PDE3A: variants seen among roughly 807,000 people sequenced by gnomAD.
The protein encoded by PDE3A is phosphodiesterase 3A, also known as cGMP-inhibited 3',5'-cyclic phosphodiesterase 3A.
Under a neutral mutation model 98.3 loss-of-function variants are expected in PDE3A, and 43 were observed. That is an observed-to-expected ratio of 0.44 (90% CI 0.34 to 0.56). PDE3A has a LOEUF of 0.56. PDE3A is among the 20% of genes least tolerant of loss of function. The pLI is 0.01. For synonymous variants in PDE3A, 663 were observed against 567.9 expected (o/e 1.17, Z -2.38); for missense variants, 1,427 against 1,440.7 (o/e 0.99, Z 0.15).
intron 1 of PDE3A, among the ~76,000 whole-genome samples, chr12:20,407,356 T>A (rs1178459372): frequency 6.6e-6 from 1 of 152,240 alleles, no homozygotes; most frequent in Non-Finnish European, 1.5e-5. Context: ...GCATGGTTAT[T>A]CATGAAAAAC....
At chr12:20,475,309 G>C (rs1041423623) in intron 1 of PDE3A, among the ~76,000 whole-genome samples, 2 of 151,766 alleles carry the variant, frequency 1.3e-5, no homozygotes, top group African/African-American at 4.8e-5. Flanking sequence ...ACTGCCTTCG[G>C]TTAGCTCACA....
Position 20,634,766 on chromosome 12 carries a change from A to G in PDE3A, c.1847-136A>G, listed in dbSNP as rs564293064. The G allele has an allele frequency of 4.3e-5, 28 of 658,058 alleles. No homozygotes were observed. The African/African-American group carries it at 4.7e-4, about 11-fold the overall frequency. The allele number at this position is 658,058 out of a possible 1,614,324, so 40.8% of individuals were successfully genotyped here. A position where few individuals can be genotyped will look rare whatever the true frequency, so the allele number is the denominator to read the frequency against. ...GTGATGTTCTCCACCCTATGATCCT[A>G]TGTTCTTGGAGTGCTCAGGAAAGCA... On this transcript the variant is annotated intron_variant, in intron 7 of 15. Transcript: ENST00000359062.
At chr12:20,616,047 AT>A (rs1192730372) in intron 3 of PDE3A, among the ~76,000 whole-genome samples, 182 bp from the exon 4 acceptor site, 1 of 151,870 alleles carries the variant, frequency 6.6e-6, no homozygotes, top group Non-Finnish European at 1.5e-5. Flanking sequence ...ATATGCATTC[AT>A]TTTGGCCAGA....
intron 1 of PDE3A, among the ~76,000 whole-genome samples, chr12:20,460,030 CTAA>C: frequency 6.6e-6 from 1 of 152,308 alleles, no homozygotes; most frequent in East Asian, 1.9e-4. Context: ...GCCAATACTA[CTAA>C]TATCTGTGAA....
At chr12:20,515,485 A>G (rs561872817) in intron 1 of PDE3A, among the ~76,000 whole-genome samples, 3 of 152,322 alleles carry the variant, frequency 2.0e-5, no homozygotes, top group Non-Finnish European at 4.4e-5. Flanking sequence ...AGAAGTTCCT[A>G]GAGGACAGTT....
intron 1 of PDE3A, among the ~76,000 whole-genome samples, chr12:20,431,999 A>G (rs1944706282): frequency 6.6e-6 from 1 of 152,194 alleles, no homozygotes; most frequent in Non-Finnish European, 1.5e-5. Flanking sequence ...GCTTAGCAGC[A>G]TGGTTTCTTT....
chr12:20,578,996 AT>A lies in PDE3A; in HGVS notation c.1011+22294del, dbSNP rs139637805. ...TGCTAATAACTACACCATCAGTTTTATTTTTTTTCTCGGATGTACTTTTAAG... is the reference window on the plus strand; with the variant it reads ...TGCTAATAACTACACCATCAGTTTTATTTTTTTCTCGGATGTACTTTTAAG... On this transcript the variant is annotated intron_variant, in intron 2 of 15. Coordinates refer to ENST00000359062, the MANE Select transcript of PDE3A (RefSeq NM_000921.5). 9.4e-4 allele frequency among the ~76,000 whole-genome samples: 143 copies of A among 151,640 alleles called. 3 individuals are homozygous for A. In the South Asian group the frequency reaches 0.028, roughly 30 times the overall value.
At chr12:20,522,296 A>G (rs1352138046) in intron 1 of PDE3A, among the ~76,000 whole-genome samples, 1 of 152,178 alleles carries the variant, frequency 6.6e-6, no homozygotes, top group African/African-American at 2.4e-5. Flanking sequence ...TTCCCAGATC[A>G]TTAGTATCAG....
chr12:20,528,704 G>C (rs76946649), intron 1 of PDE3A, among the ~76,000 whole-genome samples: 5,493 of 152,278 alleles, frequency 0.036, 143 homozygotes, highest in Middle Eastern at 0.065. Context: ...CAACTGAAGG[G>C]AGGGAGAGGT....
rs756443781 is a variant in PDE3A, at chr12:20,648,664, C to A, written c.2566-24C>A. 7 of 1,471,852 alleles carry A rather than the reference C, an allele frequency of 4.8e-6. No homozygotes were observed. In the East Asian group the frequency reaches 6.8e-5, roughly 14 times the overall value. 91.2% of individuals were successfully genotyped at this position (1,471,852 alleles called of 1,614,324 possible). On this transcript the variant is annotated intron_variant, in intron 12 of 15. Coordinates refer to ENST00000359062, the MANE Select transcript of PDE3A (RefSeq NM_000921.5). ...GTGATTATTTTCTTAAAAAGTTGAA[C>A]TCTTAACTGTCTTATTTGCCTAGGC... is the stretch of plus-strand genomic sequence containing the variant.
chr12:20,510,311 T>G (rs1161167797), intron 1 of PDE3A, among the ~76,000 whole-genome samples: 1 of 152,098 alleles, frequency 6.6e-6, no homozygotes, highest in African/African-American at 2.4e-5. Flanking sequence ...TATTCTTTTC[T>G]GTTGGTATGT....
At chr12:20,548,616 T>C (rs1283977854) in intron 1 of PDE3A, among the ~76,000 whole-genome samples, 2 of 152,172 alleles carry the variant, frequency 1.3e-5, no homozygotes, top group East Asian at 1.9e-4. Flanking sequence ...AAGAGTATCA[T>C]ATCATCTTAA....
chr12:20,375,884 G>C (rs1489689857), intron 1 of PDE3A, among the ~76,000 whole-genome samples: 4 of 151,840 alleles, frequency 2.6e-5, no homozygotes, highest in Non-Finnish European at 2.9e-5. Context: ...CTCTGAAATT[G>C]TATGCAGAAC....
chr12:20,500,082 G>T (rs1442114557), intron 1 of PDE3A, among the ~76,000 whole-genome samples: 1 of 152,078 alleles, frequency 6.6e-6, no homozygotes, highest in Non-Finnish European at 1.5e-5. Flanking sequence ...ACCTGTCTAG[G>T]TTTCCAGAGT....
At chr12:20,513,701 T>G (rs542410140) in intron 1 of PDE3A, among the ~76,000 whole-genome samples, 106 of 152,326 alleles carry the variant, frequency 7.0e-4, no homozygotes, top group Non-Finnish European at 1.2e-3. Flanking sequence ...TGTGTTGATA[T>G]GTTATATTAA....
At chr12:20,473,512 C>T (rs1016591201) in intron 1 of PDE3A, among the ~76,000 whole-genome samples, 14 of 152,092 alleles carry the variant, frequency 9.2e-5, no homozygotes, top group Non-Finnish European at 1.6e-4. Flanking sequence ...TGCATTTTCC[C>T]GTTACTGCTT....
intron 2 of PDE3A, 174 bp downstream of exon 2, chr12:20,556,884 C>A: frequency 3.0e-6 from 2 of 655,954 alleles, no homozygotes; most frequent in South Asian, 1.8e-5. Context: ...ATCCCAAAGG[C>A]AGATGCCAGG....
intron 2 of PDE3A, among the ~76,000 whole-genome samples, 175 bp from the exon 3 acceptor site, chr12:20,613,268 G>T (rs1943914076): frequency 6.6e-6 from 1 of 152,114 alleles, no homozygotes; most frequent in Non-Finnish European, 1.5e-5. Context: ...TGCAAAAAAG[G>T]GTGGCAGCTA....
At chr12:20,457,375 C>G (rs754319704) in intron 1 of PDE3A, among the ~76,000 whole-genome samples, 28 of 151,532 alleles carry the variant, frequency 1.8e-4, no homozygotes, top group Non-Finnish European at 3.8e-4. Context: ...GGGCTCCCAA[C>G]AGTATTATAC....
Sources: allele counts gnomAD v4.1 joint callset (sites outside exome capture counted in the v4.1 genomes callset), GRCh38; gene constraint gnomAD v4.1.1; transcripts MANE v1.5; gene names NCBI Gene and HGNC (gene_info 2026-07-23, HGNC 2026-07-21).